Variants in DNAH5 observed in about 807,000 individuals in gnomAD.
DNAH5 encodes dynein axonemal heavy chain 5.
A neutral mutation model predicts 518.2 loss-of-function variants in DNAH5; 372 were observed. That is an observed-to-expected ratio of 0.72 (90% CI 0.66 to 0.78). The LOEUF is 0.78. DNAH5 is among the 30% of genes least tolerant of loss of function. The pLI is 0.00. For synonymous variants in DNAH5, 2,039 were observed against 2,025.9 expected (o/e 1.01, Z -0.17); for missense variants, 5,523 against 5,687.0 (o/e 0.97, Z 0.93).
chr5:13,719,617 G>C (rs73048089), intron 71 of DNAH5, among the ~76,000 whole-genome samples: 4,233 of 152,236 alleles, frequency 0.028, 192 homozygotes, highest in African/African-American at 0.097. Context: ...AATTCTGCCT[G>C]CCTTAATGAA....
chr5:13,835,226 C>T (rs944862324), intron 35 of DNAH5, among the ~76,000 whole-genome samples: 17 of 150,580 alleles, frequency 1.1e-4, no homozygotes, highest in African/African-American at 3.2e-4. Context: ...TTGCGGTGAG[C>T]GGAGATCGCA....
chr5:13,818,425 C>T (rs1315022245), intron 41 of DNAH5, among the ~76,000 whole-genome samples: 4 of 152,208 alleles, frequency 2.6e-5, no homozygotes, highest in African/African-American at 4.8e-5. Flanking sequence ...GGTGAAACCC[C>T]GTCTCTGCTG....
rs925844207 is a variant in DNAH5, at chr5:13,730,705, AT to A, written c.11762-1146del. On this transcript the variant is annotated intron_variant, in intron 68 of 78. Transcript: ENST00000265104. ...CACCTCGGCCTCCCAAAGTGCTGTT[AT>A]TTTTTTTTTTTTTTGAGATGTAGTT... 4.2e-3 allele frequency among the ~76,000 whole-genome samples: 521 copies of A among 123,204 alleles called. 1 individual carries two copies. Among genetic ancestry groups the A allele is most frequent in the Admixed American group, 6.0e-3 (71 of 11,886 alleles). The allele number at this position is 123,204 out of a possible 152,430, so 80.8% of individuals were successfully genotyped here. A position where few individuals can be genotyped will look rare whatever the true frequency, so the allele number is the denominator to read the frequency against.
intron 20 of DNAH5, 31 bp downstream of exon 20, chr5:13,882,873 A>G (rs1363235292): frequency 1.2e-6 from 2 of 1,613,870 alleles, no homozygotes; most frequent in East Asian, 4.5e-5. Flanking sequence ...AGTGGTTTCC[A>G]TATGAAACCA....
At chr5:13,703,286 C>A (rs1742365116) in intron 76 of DNAH5, among the ~76,000 whole-genome samples, 1 of 152,150 alleles carries the variant, frequency 6.6e-6, no homozygotes, top group South Asian at 2.1e-4. Context: ...GTTCTAAGCA[C>A]TTCACACACA....
intron 1 of DNAH5, among the ~76,000 whole-genome samples, chr5:13,992,624 T>C (rs1783635887): frequency 6.6e-6 from 1 of 152,214 alleles, no homozygotes; most frequent in East Asian, 1.9e-4. Context: ...TACATTTTCA[T>C]ATCCAGGGGA....
chr5:13,850,619 T>C (rs1240386611), intron 31 of DNAH5, 33 bp downstream of exon 31: 1 of 1,601,234 alleles, frequency 6.2e-7, no homozygotes. Flanking sequence ...GTCTCAAGGA[T>C]ACCGAGAGCT....
intron 35 of DNAH5, among the ~76,000 whole-genome samples, chr5:13,833,496 G>GAATAAT (rs57261803): frequency 8.7e-5 from 13 of 149,588 alleles, no homozygotes; most frequent in African/African-American, 2.2e-4. Flanking sequence ...GTGATAGCAA[G>GAATAAT]AATAATAATA....
At chr5:13,760,191 C>A (rs1179852812) in intron 60 of DNAH5, among the ~76,000 whole-genome samples, 3 of 152,098 alleles carry the variant, frequency 2.0e-5, no homozygotes, top group Non-Finnish European at 4.4e-5. Flanking sequence ...AGATTTTGAA[C>A]ATTTTCTAGT....
chr5:14,007,957 G>A (rs1784831985), intron 1 of DNAH5, among the ~76,000 whole-genome samples: 1 of 152,076 alleles, frequency 6.6e-6, no homozygotes, highest in Non-Finnish European at 1.5e-5. Context: ...CGGATCACCT[G>A]AGGTGAGGAG....
rs757897932 is a variant in DNAH5, at chr5:13,769,001, C to T, written c.9856G>A (p.Ala3286Thr). 8.7e-6 allele frequency: 14 copies of T among 1,614,214 alleles called. No homozygotes were observed. The South Asian group carries it at 1.4e-4, about 16-fold the overall frequency. The stretch of plus-strand genomic sequence containing the variant: ...GCCTCTTCTAAAGCTGGTTTTGCTG[C>T]TTCCAGTTTTTCTTCAGCAATGGCT... ...DKAIAEEKLE[A>T]AKPALEEAEA... The change falls in exon 58 of 79, where the codon GCA becomes ACA. Residue 3286 changes from alanine (A) to threonine (T), a missense_variant. Coordinates refer to ENST00000265104, the MANE Select transcript of DNAH5 (RefSeq NM_001369.3).
intron 47 of DNAH5, among the ~76,000 whole-genome samples, chr5:13,797,955 C>T (rs1254401981): frequency 1.4e-5 from 2 of 146,130 alleles, no homozygotes; most frequent in East Asian, 4.1e-4. Context: ...ATCACAAGGA[C>T]AGAAAACCAA....
chr5:13,901,270 G>A lies in DNAH5; in HGVS notation c.2034C>T (p.His678=), dbSNP rs1425718994. The change falls in exon 14 of 79, where the codon CAC becomes CAT. Residue 678 remains histidine (H), a synonymous_variant. Transcript: ENST00000265104. ...GACTCACTTGCCGAAGCCACGCCCTGTGGAAGAGGACCTCAAACTCCAGGA... is the reference window on the plus strand; with the variant it reads ...GACTCACTTGCCGAAGCCACGCCCTATGGAAGAGGACCTCAAACTCCAGGA... ...KVLLEFEVLF[H]RAWLRQIEEI... is the part of the protein sequence containing the mutation. The A allele has an allele frequency of 1.2e-6, 2 of 1,613,890 alleles. No individual in the cohort carries two copies. Among genetic ancestry groups the A allele is most frequent in the African/African-American group, 2.7e-5 (2 of 74,920 alleles).
chr5:13,943,258 G>T (rs1306511197), intron 1 of DNAH5, among the ~76,000 whole-genome samples: 1 of 152,188 alleles, frequency 6.6e-6, no homozygotes, highest in Non-Finnish European at 1.5e-5. Context: ...CATATACTAT[G>T]GACCAAGCTC....
chr5:13,877,121 C>T lies in DNAH5; in HGVS notation c.3263-304G>A, dbSNP rs115046790. Among the ~76,000 whole-genome samples, 2,087 of 152,206 alleles carry T rather than the reference C, an allele frequency of 0.014. 54 individuals carry two copies. The highest frequency in any genetic ancestry group is 0.048 in the African/African-American group (2,002 of 41,504). The stretch of plus-strand genomic sequence containing the variant: ...TGCCGCTCTCTGGCTATAGGGTAGC[C>T]TTGAAAAACAGCAGCCTTACAACCA... On this transcript the variant is annotated intron_variant, in intron 21 of 78. Transcript: ENST00000265104.
chr5:13,829,446 G>A, intron 38 of DNAH5, 64 bp downstream of exon 38: 1 of 1,548,086 alleles, frequency 6.5e-7, no homozygotes, highest in Non-Finnish European at 8.9e-7. Context: ...CTCAAAATGA[G>A]AACATTCTGC....
At chr5:13,852,487 C>T (rs1266672897) in intron 30 of DNAH5, among the ~76,000 whole-genome samples, 1 of 151,854 alleles carries the variant, frequency 6.6e-6, no homozygotes, top group Admixed American at 6.5e-5. Context: ...TTTTTTCGTA[C>T]CCTAGTGGCA....
chr5:13,698,116 C>T (rs1358133105), intron 78 of DNAH5, among the ~76,000 whole-genome samples: 1 of 152,180 alleles, frequency 6.6e-6, no homozygotes, highest in East Asian at 1.9e-4. Flanking sequence ...GTCTCACATG[C>T]TTACTTCTAC....
rs148539877 is a variant in DNAH5 at position 13,786,234 on chromosome 5, C to T, written c.8765G>A (p.Arg2922His). 1.0e-4 allele frequency: 162 copies of T among 1,614,062 alleles called. No individual in the cohort carries two copies. Among genetic ancestry groups the T allele is most frequent in the African/African-American group, 2.9e-4 (22 of 75,034 alleles). The change falls in exon 52 of 79, where the codon CGT becomes CAT. Residue 2922 changes from arginine to histidine, a missense_variant. Coordinates refer to ENST00000265104, the MANE Select transcript of DNAH5 (RefSeq NM_001369.3). Reference protein sequence around the residue: ...MFLQLYNESIRGAGMDMVFFA... With the variant: ...MFLQLYNESIHGAGMDMVFFA... ...GAACACCATGTCCATGCCGGCGCCA[C>T]GGATGCTCTCATTATAGAGCTGCAG...
Sources: gnomAD v4.1 joint callset for allele counts (sites outside exome capture counted in the v4.1 genomes callset) on GRCh38, gnomAD v4.1.1 for gene constraint, MANE v1.5 for transcripts, NCBI Gene and HGNC (gene_info 2026-07-23, HGNC 2026-07-21) for gene names.